Variants in GRM1 observed in about 807,000 individuals in gnomAD.
The protein encoded by GRM1 is glutamate metabotropic receptor 1.
In GRM1, 33 loss-of-function variants were observed where a neutral mutation model predicts 90.9. That is an observed-to-expected ratio of 0.36 (90% CI 0.28 to 0.49). GRM1 has a LOEUF of 0.49. Among genes scored for constraint, GRM1 ranks in the 20% least tolerant of loss-of-function variants. The pLI is 0.99. For synonymous variants in GRM1, 700 were observed against 613.2 expected (o/e 1.14, Z -2.09); for missense variants, 1,190 against 1,534.3 (o/e 0.78, Z 3.75).
chr6:146,069,448 G>A (rs964293706), intron 1 of GRM1, among the ~76,000 whole-genome samples: 3 of 152,050 alleles, frequency 2.0e-5, no homozygotes, highest in Admixed American at 6.6e-5. Flanking sequence ...ATGAGTAATA[G>A]GAATATGAAA....
chr6:146,212,789 A>T (rs1779723996), intron 2 of GRM1, among the ~76,000 whole-genome samples: 2 of 152,180 alleles, frequency 1.3e-5, no homozygotes, highest in South Asian at 4.1e-4. Context: ...CCTTAAGGCA[A>T]CTATACCACA....
chr6:146,372,293 G>A (rs541796068), intron 5 of GRM1, among the ~76,000 whole-genome samples: 12 of 152,000 alleles, frequency 7.9e-5, no homozygotes, highest in South Asian at 4.1e-4. Context: ...TCTTTTGTCC[G>A]TAGTTTGATT....
At chr6:146,203,536 G>A (rs1250188639) in intron 2 of GRM1, among the ~76,000 whole-genome samples, 2 of 152,192 alleles carry the variant, frequency 1.3e-5, no homozygotes, top group Non-Finnish European at 2.9e-5. Context: ...GGGAGATGTA[G>A]ACTCTGACTA....
chr6:146,424,290 G>C (rs972520527), intron 7 of GRM1, among the ~76,000 whole-genome samples: 20 of 152,246 alleles, frequency 1.3e-4, no homozygotes, highest in African/African-American at 4.8e-4. Flanking sequence ...CCTTGAGATA[G>C]TACAGGGCAC....
At chr6:146,233,270 A>G (rs1168653420) in intron 2 of GRM1, among the ~76,000 whole-genome samples, 1 of 152,144 alleles carries the variant, frequency 6.6e-6, no homozygotes, top group African/African-American at 2.4e-5. Context: ...GCATTGCTTT[A>G]GCTGCATCCA....
At chr6:146,331,436 A>G (rs1784585170) in intron 3 of GRM1, among the ~76,000 whole-genome samples, 1 of 152,212 alleles carries the variant, frequency 6.6e-6, no homozygotes, top group African/African-American at 2.4e-5. Context: ...GGAAAATGAT[A>G]TTGTACAAAC....
intron 1 of GRM1, among the ~76,000 whole-genome samples, chr6:146,138,418 C>T (rs1333837719): frequency 6.6e-6 from 1 of 151,660 alleles, no homozygotes; most frequent in Admixed American, 6.6e-5. Flanking sequence ...AGTGTTCCCT[C>T]CTCCTCTATT....
At chr6:146,426,579 C>A in intron 7 of GRM1, 1 of 1,612,540 alleles carries the variant, frequency 6.2e-7, no homozygotes, top group Non-Finnish European at 8.5e-7. Flanking sequence ...CCAGAATTCT[C>A]GCCCACCAGC....
At chr6:146,356,171 T>C (rs1562634378) in intron 4 of GRM1, among the ~76,000 whole-genome samples, 1 of 152,158 alleles carries the variant, frequency 6.6e-6, no homozygotes, top group Non-Finnish European at 1.5e-5. Context: ...AACCAGAGTA[T>C]TTTAGGGCAT....
chr6:146,365,502 C>G (rs1193324583), intron 5 of GRM1: 1 of 152,220 alleles, frequency 6.6e-6, no homozygotes, highest in Non-Finnish European at 1.5e-5. Flanking sequence ...TTGGGCAGAA[C>G]AGGGGACACA....
intron 1 of GRM1, among the ~76,000 whole-genome samples, chr6:146,082,188 C>T (rs1202871060): frequency 1.3e-5 from 2 of 152,134 alleles, no homozygotes; most frequent in African/African-American, 2.4e-5. Context: ...CAGAGCCTTA[C>T]ACTGTCACCC....
At chr6:146,335,022 GTT>G (rs1406253352) in intron 3 of GRM1, among the ~76,000 whole-genome samples, 1 of 152,072 alleles carries the variant, frequency 6.6e-6, no homozygotes, top group East Asian at 1.9e-4. Context: ...CATTATGGGG[GTT>G]TTGCTTTTAA....
intron 1 of GRM1, among the ~76,000 whole-genome samples, chr6:146,053,064 G>A (rs1327990837): frequency 6.6e-6 from 1 of 152,010 alleles, no homozygotes; most frequent in Non-Finnish European, 1.5e-5. Flanking sequence ...CTGTAACATA[G>A]TTCTCAGCAC....
At chr6:146,364,846 T>G (rs998859729) in intron 5 of GRM1, 1 of 151,902 alleles carries the variant, frequency 6.6e-6, no homozygotes, top group African/African-American at 2.4e-5. Flanking sequence ...TACCTCAGCT[T>G]ACATCTTCTA....
intron 1 of GRM1, among the ~76,000 whole-genome samples, chr6:146,086,942 A>G (rs1407478724): frequency 1.3e-5 from 2 of 152,156 alleles, no homozygotes. Flanking sequence ...TGATGGCAAT[A>G]TATAAATGTC....
chr6:146,345,647 C>T (rs1222262534), intron 3 of GRM1, among the ~76,000 whole-genome samples: 1 of 152,206 alleles, frequency 6.6e-6, no homozygotes, highest in Non-Finnish European at 1.5e-5. Context: ...AGCTTTCTTA[C>T]ATATCTAAAG....
chr6:146,258,230 C>T (rs1781560231), intron 2 of GRM1, among the ~76,000 whole-genome samples: 1 of 152,118 alleles, frequency 6.6e-6, no homozygotes, highest in Non-Finnish European at 1.5e-5. Flanking sequence ...AAATGAGCTC[C>T]TAAGCACTTT....
At chr6:146,259,699 T>C (rs1781612046) in intron 2 of GRM1, among the ~76,000 whole-genome samples, 1 of 152,144 alleles carries the variant, frequency 6.6e-6, no homozygotes, top group South Asian at 2.1e-4. Flanking sequence ...CCTCGTTCAT[T>C]CGTTGATGAA....
intron 2 of GRM1, chr6:146,160,006 G>T (rs984885116): frequency 6.4e-6 from 1 of 156,344 alleles, no homozygotes. Flanking sequence ...AAAAAAAAAA[G>T]ATGGAAAGCT....
Sources: gnomAD v4.1 joint callset for allele counts (sites outside exome capture counted in the v4.1 genomes callset) on GRCh38, gnomAD v4.1.1 for gene constraint, MANE v1.5 for transcripts, NCBI Gene and HGNC (gene_info 2026-07-23, HGNC 2026-07-21) for gene names.